FMN2: variants seen among roughly 807,000 people sequenced by gnomAD.
FMN2 encodes the protein formin-2.
A neutral mutation model predicts 142.3 loss-of-function variants in FMN2; 51 were observed. The ratio of observed to expected loss-of-function variants is 0.36; its 90% CI spans 0.29 to 0.45. The LOEUF is 0.45. Ranked by LOEUF, FMN2 falls within the 20% of genes least tolerant of loss-of-function variation. The probability of loss-of-function intolerance (pLI) is 1.00; values close to 1 mark genes in which losing one functional copy is unlikely to be tolerated. For synonymous variants in FMN2, 882 were observed against 869.8 expected (o/e 1.01, Z -0.25); for missense variants, 1,936 against 2,122.8 (o/e 0.91, Z 1.73).
At chr1:240,123,135 G>A (rs1390792836) in intron 1 of FMN2, 44 bp from the exon 2 acceptor site, 1 of 1,608,356 alleles carries the variant, frequency 6.2e-7, no homozygotes, top group Non-Finnish European at 8.5e-7. Flanking sequence ...TCAGAGCCAG[G>A]TGATCGGCAG....
At chr1:240,443,260 A>AG (rs2103191047) in intron 16 of FMN2, among the ~76,000 whole-genome samples, 1 of 152,356 alleles carries the variant, frequency 6.6e-6, no homozygotes, top group African/African-American at 2.4e-5. Context: ...TAGGTGATAC[A>AG]ATAGACACAG....
chr1:240,166,197 T>C (rs182225375), intron 2 of FMN2, among the ~76,000 whole-genome samples: 7 of 150,672 alleles, frequency 4.6e-5, no homozygotes, highest in African/African-American at 1.5e-4. Flanking sequence ...TATATAATTA[T>C]ACGTTATGTA....
intron 6 of FMN2, among the ~76,000 whole-genome samples, chr1:240,246,257 G>A (rs1412036417): frequency 4.6e-5 from 7 of 152,198 alleles, no homozygotes; most frequent in South Asian, 2.1e-4. Flanking sequence ...ATCGCTCTCC[G>A]CATTCTGTTG....
At position 240,297,055 on chromosome 1, in the gene FMN2, G is replaced by A. The variant is rs1280972344; in HGVS notation, c.4215+2172G>A. On this transcript the variant is annotated intron_variant, in intron 8 of 17. Coordinates refer to ENST00000319653, the MANE Select transcript of FMN2 (RefSeq NM_020066.5). The stretch of plus-strand genomic sequence containing the variant: ...AGGAGGGCCATATGGAAGAAAGGAG[G>A]AAATACTAGAGGAAAGTAATTTCTT... Among the ~76,000 whole-genome samples the A allele has an allele frequency of 3.3e-5, 5 of 152,224 alleles. No homozygotes were observed. The South Asian group carries it at 6.2e-4, about 19-fold the overall frequency.
intron 2 of FMN2, among the ~76,000 whole-genome samples, chr1:240,137,069 CAAAAAAAA>C (rs563163509): frequency 5.2e-5 from 4 of 76,198 alleles, no homozygotes; most frequent in Admixed American, 4.9e-4. Flanking sequence ...AACTCCGTCT[CAAAAAAAA>C]AAAAAAAAAA....
At chr1:240,100,958 T>C (rs1488572533) in intron 1 of FMN2, among the ~76,000 whole-genome samples, 2 of 152,220 alleles carry the variant, frequency 1.3e-5, no homozygotes, top group African/African-American at 2.4e-5. Flanking sequence ...TTCTTTGTTG[T>C]AGTACCTGGT....
intron 6 of FMN2, among the ~76,000 whole-genome samples, chr1:240,228,968 TG>T (rs2103439184): frequency 6.6e-6 from 1 of 152,144 alleles, no homozygotes; most frequent in South Asian, 2.1e-4. Context: ...TTGAGGAGTC[TG>T]GGCTCTGGGA....
chr1:240,311,814 C>T (rs1483782804), intron 8 of FMN2, among the ~76,000 whole-genome samples: 2 of 152,074 alleles, frequency 1.3e-5, no homozygotes, highest in Admixed American at 6.6e-5. Context: ...TCTTATATGT[C>T]GTTCCTGTTA....
rs1227000930 is a variant in FMN2, at chr1:240,207,391, C to T, written c.2579C>T (p.Pro860Leu). Residue 860 changes from proline to leucine, a missense_variant, in exon 5 of 18, where the codon CCT becomes CTT. By Grantham distance (98) the Pro-to-Leu change is moderately conservative. This residue lies in a region of FMN2 where 478 missense variants were observed against 462.8 expected (regional missense o/e 1.03). Coordinates refer to ENST00000319653, the MANE Select transcript of FMN2 (RefSeq NM_020066.5). ...KNSCNIPSPP[P>L]LPCTESSSSM... is the part of the protein sequence containing the mutation. ...AGCTGTAACATCCCATCTCCACCAC[C>T]TCTGCCTTGCACAGAGTCCTCCAGC... 1 of 1,613,898 alleles carries T rather than the reference C, an allele frequency of 6.2e-7. No homozygotes were observed. Among genetic ancestry groups the T allele is most frequent in the Admixed American group, 1.7e-5 (1 of 59,998 alleles).
Position 240,111,894 on chromosome 1 carries a change from A to T in FMN2, c.1616-11285A>T, listed in dbSNP as rs190280124. On this transcript the variant is annotated intron_variant, in intron 1 of 17. Coordinates refer to ENST00000319653, the MANE Select transcript of FMN2 (RefSeq NM_020066.5). ...ATGCCTCCCCACATGGGTGTACTTCATGAAGTCAAGGTACAGAGTCCACGT... is the reference window on the plus strand; with the variant it reads ...ATGCCTCCCCACATGGGTGTACTTCTTGAAGTCAAGGTACAGAGTCCACGT... Among the ~76,000 whole-genome samples the T allele has an allele frequency of 2.0e-5, 3 of 152,266 alleles. No homozygotes were observed. In the East Asian group the frequency reaches 5.8e-4, roughly 30 times the overall value.
chr1:240,371,441 A>G (rs1255810195), intron 14 of FMN2, among the ~76,000 whole-genome samples: 1 of 152,174 alleles, frequency 6.6e-6, no homozygotes, highest in Non-Finnish European at 1.5e-5. Context: ...GCTGAACCTC[A>G]ATTACATTCT....
At chr1:240,236,709 A>C (rs1005542177) in intron 6 of FMN2, among the ~76,000 whole-genome samples, 7 of 152,110 alleles carry the variant, frequency 4.6e-5, no homozygotes, top group African/African-American at 1.7e-4. Flanking sequence ...ATCTCGTGGG[A>C]ACTAATAGAG....
At chr1:240,249,833 C>A in intron 6 of FMN2, among the ~76,000 whole-genome samples, 1 of 151,866 alleles carries the variant, frequency 6.6e-6, no homozygotes, top group Non-Finnish European at 1.5e-5. Flanking sequence ...TAAATTTATT[C>A]CTAAGTTATT....
intron 6 of FMN2, among the ~76,000 whole-genome samples, chr1:240,237,183 C>T (rs764708569): frequency 3.9e-5 from 6 of 152,196 alleles, no homozygotes; most frequent in Non-Finnish European, 7.3e-5. Flanking sequence ...ACTGGGCTAA[C>T]AGTTCTGTCT....
At chr1:240,383,247 T>TA (rs71170737) in intron 14 of FMN2, among the ~76,000 whole-genome samples, 47,486 of 151,908 alleles carry the variant, frequency 0.31, 8,005 homozygotes, top group East Asian at 0.46. Context: ...TGCAACAGAA[T>TA]AAAAAATAGA....
At chr1:240,144,244 A>G in intron 2 of FMN2, 1 of 1,583,618 alleles carries the variant, frequency 6.3e-7, no homozygotes, top group Admixed American at 1.7e-5. Flanking sequence ...TCACAAAGCC[A>G]CTCACAAAAG....
chr1:240,095,898 A>G (rs1243946419), intron 1 of FMN2, among the ~76,000 whole-genome samples: 1 of 152,148 alleles, frequency 6.6e-6, no homozygotes, highest in African/African-American at 2.4e-5. Flanking sequence ...GCAAAGTAAA[A>G]TTGCAGAGCT....
intron 15 of FMN2, among the ~76,000 whole-genome samples, chr1:240,415,393 G>A (rs905543468): frequency 6.6e-6 from 1 of 152,108 alleles, no homozygotes; most frequent in Non-Finnish European, 1.5e-5. Context: ...CAGAGGGTGG[G>A]GGCCTGGGGG....
At chr1:240,142,903 C>T in intron 2 of FMN2, 1 of 1,606,210 alleles carries the variant, frequency 6.2e-7, no homozygotes. Flanking sequence ...TCAAACGTAA[C>T]CAGCATTCGG....
Sources: allele counts gnomAD v4.1 joint callset (sites outside exome capture counted in the v4.1 genomes callset), GRCh38; gene constraint gnomAD v4.1.1; regional missense constraint gnomAD v4.1.1; transcripts MANE v1.5; gene names NCBI Gene and HGNC (gene_info 2026-07-23, HGNC 2026-07-21).